NFYA: variants seen among roughly 807,000 people sequenced by gnomAD.
NFYA encodes the protein nuclear transcription factor Y subunit alpha, also known as CAAT-box DNA binding protein subunit A.
NFYA carries 28 observed loss-of-function variants against 52.8 expected under a neutral mutation model. That is an observed-to-expected ratio of 0.53 (90% CI 0.39 to 0.73). The LOEUF (loss-of-function observed/expected upper bound fraction) is 0.73, where lower values mean the gene tolerates loss of function less well. Among genes scored for constraint, NFYA ranks in the 30% least tolerant of loss-of-function variants. The pLI, the probability that NFYA is intolerant of heterozygous loss-of-function variation, is 0.00. For missense variants in NFYA, 234 were observed against 427.0 expected, an observed-to-expected ratio of 0.55 and a Z score of 3.98; for synonymous variants, 150 against 150.7, an observed-to-expected ratio of 1.00 and a Z score of 0.03.
chr6:41,097,507 C>T lies in NFYA; in HGVS notation c.*97C>T. The T allele has an allele frequency of 7.8e-7, 1 of 1,281,846 alleles. No homozygotes were observed. Among genetic ancestry groups the T allele is most frequent in the Non-Finnish European group, 1.1e-6 (1 of 891,290 alleles). 79.4% of individuals were successfully genotyped at this position (1,281,846 alleles called of 1,614,324 possible). Reference sequence around the variant, plus strand: ...ATGGGACATTGATGATCACATTCTGCCCTTTACTACAGGACAGAAACCACT... The same window carrying T: ...ATGGGACATTGATGATCACATTCTGTCCTTTACTACAGGACAGAAACCACT... On this transcript the variant is annotated 3_prime_UTR_variant, in exon 10 of 10. Coordinates refer to ENST00000341376, the MANE Select transcript of NFYA (RefSeq NM_002505.5).
At chr6:41,097,231 G>T in intron 9 of NFYA, 126 bp from the exon 10 acceptor site, 1 of 798,346 alleles carries the variant, frequency 1.3e-6, no homozygotes, top group South Asian at 1.6e-5. Context: ...GACTTAAGAT[G>T]TATTACAAGC....
At position 41,098,596 on chromosome 6, in the gene NFYA, G is replaced by C. The variant is rs1764421961; in HGVS notation, c.*1186G>C. 6.5e-6 allele frequency: 1 copy of C among 152,700 alleles called. No individual in the cohort carries two copies. Among genetic ancestry groups the C allele is most frequent in the Non-Finnish European group, 1.5e-5 (1 of 68,084 alleles). 9.5% of individuals were successfully genotyped at this position (152,700 alleles called of 1,614,324 possible). On this transcript the variant is annotated 3_prime_UTR_variant, in exon 10 of 10. Transcript: ENST00000341376. ...TCACACTGTCCTGGACAGAGTCCAA[G>C]TTACCCACTAAAGCTTGAGGTGGAT...
At chr6:41,091,779 T>C (rs1764202059) in intron 7 of NFYA, 85 bp downstream of exon 7, 1 of 1,481,458 alleles carries the variant, frequency 6.8e-7, no homozygotes, top group African/African-American at 1.4e-5. Context: ...TATGTTGACC[T>C]CTTGGGATTG....
intron 8 of NFYA, among the ~76,000 whole-genome samples, chr6:41,093,803 A>G (rs1221748160): frequency 1.3e-5 from 2 of 152,214 alleles, no homozygotes; most frequent in African/African-American, 2.4e-5. Flanking sequence ...ACTTTGAAGA[A>G]GTTGTGTACC....
At chr6:41,082,507 G>T (rs1463486733) in intron 3 of NFYA, among the ~76,000 whole-genome samples, 1 of 152,136 alleles carries the variant, frequency 6.6e-6, no homozygotes, top group East Asian at 1.9e-4. Context: ...TCATGTGCAC[G>T]AATAGCACAT....
At chr6:41,078,250 A>G (rs1337595112) in intron 1 of NFYA, among the ~76,000 whole-genome samples, 1 of 152,200 alleles carries the variant, frequency 6.6e-6, no homozygotes, top group Non-Finnish European at 1.5e-5. Flanking sequence ...TTCACACTGT[A>G]TTGAGACACC....
intron 1 of NFYA, among the ~76,000 whole-genome samples, chr6:41,074,255 GTGT>G (rs1763663099): frequency 6.6e-6 from 1 of 152,356 alleles, no homozygotes; most frequent in South Asian, 2.1e-4. Flanking sequence ...GAAACTAACA[GTGT>G]TGTGGGGTTT....
chr6:41,091,269 T>C (rs1353499510), intron 6 of NFYA, among the ~76,000 whole-genome samples: 1 of 152,174 alleles, frequency 6.6e-6, no homozygotes, highest in East Asian at 1.9e-4. Context: ...CTCCAAACCT[T>C]TTCACCTTTT....
intron 1 of NFYA, among the ~76,000 whole-genome samples, chr6:41,076,974 A>G (rs899723047): frequency 1.3e-5 from 2 of 152,164 alleles, no homozygotes; most frequent in Non-Finnish European, 2.9e-5. Context: ...AAATCTTGAT[A>G]CTCTTCAAAG....
At chr6:41,082,158 G>A (rs1763928616) in intron 3 of NFYA, among the ~76,000 whole-genome samples, 1 of 152,146 alleles carries the variant, frequency 6.6e-6, no homozygotes, top group Admixed American at 6.5e-5. Flanking sequence ...ACCTCTTATT[G>A]TCATCACTTT....
Position 41,102,139 on chromosome 6 carries a change from A to G in NFYA, c.*4729A>G, listed in dbSNP as rs1764517247. The G allele has an allele frequency of 6.6e-6, 1 of 152,180 alleles. No homozygotes were observed. The highest frequency in any genetic ancestry group is 1.5e-5 in the Non-Finnish European group (1 of 68,046). The allele number at this position is 152,180 out of a possible 1,614,324, so 9.4% of individuals were successfully genotyped here. On this transcript the variant is annotated 3_prime_UTR_variant, in exon 10 of 10. Transcript: ENST00000341376. ...CGTGAGTGATCATTGTAGGGTAACA[A>G]GGTGTGGTGCTGGGCTCCTGGGGGT...
intron 6 of NFYA, among the ~76,000 whole-genome samples, chr6:41,090,761 C>A (rs1764179161): frequency 6.6e-6 from 1 of 151,986 alleles, no homozygotes; most frequent in Non-Finnish European, 1.5e-5. Context: ...AAGACGTGAA[C>A]AAATAAATAC....
At chr6:41,095,632 T>C (rs1764332396) in intron 9 of NFYA, among the ~76,000 whole-genome samples, 1 of 152,222 alleles carries the variant, frequency 6.6e-6, no homozygotes, top group African/African-American at 2.4e-5. Context: ...AGTCTCACTT[T>C]GTTGCCCAGG....
In NFYA at chr6:41,099,322, C is replaced by G. The variant is rs1374964530; in HGVS notation, c.*1912C>G. 6.6e-6 allele frequency: 1 copy of G among 152,196 alleles called. No homozygotes were observed. Among genetic ancestry groups the G allele is most frequent in the Admixed American group, 6.5e-5 (1 of 15,276 alleles). 9.4% of individuals were successfully genotyped at this position (152,196 alleles called of 1,614,324 possible). ...ATTTAGGAGTCTAAGATGCAGAGTTCAGAAAGAAATTACTCAGACCTAACT... is the reference window on the plus strand; with the variant it reads ...ATTTAGGAGTCTAAGATGCAGAGTTGAGAAAGAAATTACTCAGACCTAACT... On this transcript the variant is annotated 3_prime_UTR_variant, in exon 10 of 10. Transcript: ENST00000341376.
intron 9 of NFYA, among the ~76,000 whole-genome samples, chr6:41,095,701 G>T (rs904875561): frequency 6.6e-6 from 1 of 152,218 alleles, no homozygotes; most frequent in African/African-American, 2.4e-5. Flanking sequence ...AAAGTGCTAG[G>T]ATTACAGGCG....
intron 4 of NFYA, among the ~76,000 whole-genome samples, chr6:41,085,714 T>C (rs1178821686): frequency 1.3e-5 from 2 of 152,048 alleles, no homozygotes; most frequent in African/African-American, 4.8e-5. Flanking sequence ...GCATAATTTT[T>C]GGGCATAATT....
At chr6:41,078,785 T>G (rs1471662725) in intron 1 of NFYA, among the ~76,000 whole-genome samples, 1 of 152,240 alleles carries the variant, frequency 6.6e-6, no homozygotes, top group Non-Finnish European at 1.5e-5. Context: ...AGTATTGCTC[T>G]GACAGTATTG....
In NFYA at chr6:41,099,430, C is replaced by G. The variant is rs1764441450; in HGVS notation, c.*2020C>G. ...GTACATAGTAATGCCAGCCTTGTTGCTGAATTTTTTATTTGGGGGGAGATG... is the reference window on the plus strand; with the variant it reads ...GTACATAGTAATGCCAGCCTTGTTGGTGAATTTTTTATTTGGGGGGAGATG... On this transcript the variant is annotated 3_prime_UTR_variant, in exon 10 of 10. Coordinates refer to ENST00000341376, the MANE Select transcript of NFYA (RefSeq NM_002505.5). 6.6e-6 allele frequency: 1 copy of G among 152,198 alleles called. No homozygotes were observed. The highest frequency in any genetic ancestry group is 1.5e-5 in the Non-Finnish European group (1 of 68,030). 9.4% of individuals were successfully genotyped at this position (152,198 alleles called of 1,614,324 possible). A position where few individuals can be genotyped will look rare whatever the true frequency, so the allele number is the denominator to read the frequency against.
intron 2 of NFYA, among the ~76,000 whole-genome samples, chr6:41,080,538 T>C (rs924113009): frequency 7.2e-5 from 11 of 152,324 alleles, no homozygotes; most frequent in African/African-American, 2.6e-4. Flanking sequence ...GATTCCTGTT[T>C]CTGGAGGGAA....
Sources: gnomAD v4.1 joint callset for allele counts (sites outside exome capture counted in the v4.1 genomes callset) on GRCh38, gnomAD v4.1.1 for gene constraint, MANE v1.5 for transcripts, NCBI Gene and HGNC (gene_info 2026-07-23, HGNC 2026-07-21) for gene names.